PSAP: variants seen among roughly 807,000 people sequenced by gnomAD.
PSAP encodes the protein precursor of saposins.
Under a neutral mutation model 66.0 loss-of-function variants are expected in PSAP, and 25 were observed. That is an observed-to-expected ratio of 0.38 (90% CI 0.28 to 0.53). The LOEUF is 0.53. Ranked by LOEUF, PSAP falls within the 20% of genes least tolerant of loss-of-function variation. The probability of loss-of-function intolerance (pLI) is 0.83; values close to 1 mark genes in which losing one functional copy is unlikely to be tolerated. For missense variants in PSAP, 649 were observed against 668.8 expected, an observed-to-expected ratio of 0.97 and a Z score of 0.33; for synonymous variants, 273 against 258.9, an observed-to-expected ratio of 1.05 and a Z score of -0.52.
At position 71,819,338 on chromosome 10, in the gene PSAP, TA is replaced by T. The variant is rs1842243556; in HGVS notation, c.1350+126del. 4 of 1,415,444 alleles carry T rather than the reference TA, an allele frequency of 2.8e-6. No homozygotes were observed. In the South Asian group the frequency reaches 4.7e-5, roughly 17 times the overall value. 87.7% of individuals were successfully genotyped at this position (1,415,444 alleles called of 1,614,324 possible). ...CTTAAGCCAACAAATCACCTCCAAG[TA>T]AAACTTCATTGGACTCCATGCCCGG... On this transcript the variant is annotated intron_variant, in intron 11 of 13. Coordinates refer to ENST00000394936, the MANE Select transcript of PSAP (RefSeq NM_002778.4).
intron 2 of PSAP, among the ~76,000 whole-genome samples, chr10:71,833,005 A>G (rs1842548113): frequency 7.4e-6 from 1 of 134,290 alleles, no homozygotes; most frequent in Non-Finnish European, 1.6e-5. Context: ...CAACAGAGTG[A>G]GAGTCCATCT....
rs2593163 is a variant in PSAP, at chr10:71,825,769, A to G, written c.777+68T>C. The G allele has an allele frequency of 0.13, 194,249 of 1,462,742 alleles. 17,072 individuals are homozygous for G. The highest frequency in any genetic ancestry group is 0.39 in the East Asian group (17,291 of 43,964). 90.6% of individuals were successfully genotyped at this position (1,462,742 alleles called of 1,614,324 possible). On this transcript the variant is annotated intron_variant, in intron 7 of 13. Coordinates refer to ENST00000394936, the MANE Select transcript of PSAP (RefSeq NM_002778.4). The stretch of plus-strand genomic sequence containing the variant: ...GGAAACTAAACCATATAATTTTCAA[A>G]ATTCCTAGAAATGACGAAACCTGAA...
chr10:71,821,165 C>T (rs1334266759), intron 8 of PSAP, among the ~76,000 whole-genome samples: 1 of 152,222 alleles, frequency 6.6e-6, no homozygotes, highest in Admixed American at 6.5e-5. Flanking sequence ...ACACTCTGCA[C>T]ATGCAGAGAG....
At chr10:71,840,673 C>T (rs1486387550) in intron 1 of PSAP, among the ~76,000 whole-genome samples, 2 of 152,210 alleles carry the variant, frequency 1.3e-5, no homozygotes, top group African/African-American at 4.8e-5. Context: ...AGGCTGACAT[C>T]CCATCACCTC....
chr10:71,824,771 T>C (rs564851100), intron 7 of PSAP, among the ~76,000 whole-genome samples: 1 of 152,256 alleles, frequency 6.6e-6, no homozygotes, highest in South Asian at 2.1e-4. Flanking sequence ...GTATTGTCCA[T>C]ATTTTCAACA....
intron 1 of PSAP, among the ~76,000 whole-genome samples, chr10:71,841,706 A>T (rs530973166): frequency 3.2e-3 from 485 of 152,320 alleles, no homozygotes; most frequent in Admixed American, 5.7e-3. Flanking sequence ...CCCCATTTCT[A>T]CTAAAAATAC....
Position 71,817,348 on chromosome 10 carries a change from A to G in PSAP, c.*93T>C, listed in dbSNP as rs183945494. On this transcript the variant is annotated 3_prime_UTR_variant, in exon 14 of 14. Coordinates refer to ENST00000394936, the MANE Select transcript of PSAP (RefSeq NM_002778.4). ...GGTGGGGGAGCCCTATTTTTATAAC[A>G]AAGTCAAACAGATCTGTGCGTTCAT... The G allele has an allele frequency of 2.2e-6, 3 of 1,377,588 alleles. No homozygotes were observed. Among genetic ancestry groups the G allele is most frequent in the African/African-American group, 1.4e-5 (1 of 70,200 alleles). The allele number at this position is 1,377,588 out of a possible 1,614,324, so 85.3% of individuals were successfully genotyped here.
intron 2 of PSAP, among the ~76,000 whole-genome samples, chr10:71,833,662 C>G (rs1842564724): frequency 6.6e-6 from 1 of 152,254 alleles, no homozygotes; most frequent in African/African-American, 2.4e-5. Flanking sequence ...GAGCCCAGGG[C>G]AGCAGCTCTG....
At chr10:71,829,173 T>G in intron 4 of PSAP, 96 bp from the exon 5 acceptor site, 1 of 1,172,796 alleles carries the variant, frequency 8.5e-7, no homozygotes, top group Admixed American at 1.8e-5. Flanking sequence ...TCTCTTTAAA[T>G]CCCTTAAAAG....
chr10:71,849,459 G>C (rs892817833), intron 1 of PSAP, among the ~76,000 whole-genome samples: 3 of 152,154 alleles, frequency 2.0e-5, no homozygotes, highest in African/African-American at 4.8e-5. Context: ...GTGGGGGCTG[G>C]GTGCGGTGTC....
intron 2 of PSAP, among the ~76,000 whole-genome samples, chr10:71,832,210 C>T (rs1475721785): frequency 6.6e-6 from 1 of 152,184 alleles, no homozygotes; most frequent in African/African-American, 2.4e-5. Flanking sequence ...ATGCTCACAA[C>T]ACCTCTGAGG....
At chr10:71,839,065 A>G (rs1842679513) in intron 1 of PSAP, among the ~76,000 whole-genome samples, 1 of 152,124 alleles carries the variant, frequency 6.6e-6, no homozygotes, top group South Asian at 2.1e-4. Flanking sequence ...CTACCCCCAA[A>G]TACCAGCTTC....
intron 2 of PSAP, 31 bp downstream of exon 2, chr10:71,834,341 G>A: frequency 6.2e-7 from 1 of 1,612,550 alleles, no homozygotes; most frequent in Non-Finnish European, 8.5e-7. Flanking sequence ...GAGGAGTGCT[G>A]CGGCTGGGAC....
chr10:71,844,932 T>G, intron 1 of PSAP: 1 of 152,200 alleles, frequency 6.6e-6, no homozygotes, highest in East Asian at 1.9e-4. Context: ...TTTGAAAATG[T>G]ATTCCCACAG....
In PSAP at chr10:71,817,413, T is replaced by C. The variant is rs778663621; in HGVS notation, c.*28A>G. 1.9e-6 allele frequency: 3 copies of C among 1,612,902 alleles called. No individual in the cohort carries two copies. Among genetic ancestry groups the C allele is most frequent in the Non-Finnish European group, 2.5e-6 (3 of 1,178,842 alleles). ...AAGTAGAAAAAAACCAATGCTGTGGTTTCTGCCAAGATGGAATATTCCTCC... is the reference window on the plus strand; with the variant it reads ...AAGTAGAAAAAAACCAATGCTGTGGCTTCTGCCAAGATGGAATATTCCTCC... On this transcript the variant is annotated 3_prime_UTR_variant, in exon 14 of 14. Transcript: ENST00000394936.
rs184803179 is a variant in PSAP, at chr10:71,824,498, T to C, written c.777+1339A>G. On this transcript the variant is annotated intron_variant, in intron 7 of 13. Transcript: ENST00000394936. ...AAGGGGAAAGGCAGGGATATGCATA[T>C]ATGTATGCATTTGGCTATAAGGATA... Among the ~76,000 whole-genome samples, 51 of 152,370 alleles carry C rather than the reference T, an allele frequency of 3.3e-4. No homozygotes were observed. The South Asian group carries it at 8.3e-3, about 25-fold the overall frequency.
At chr10:71,847,627 G>C (rs1842846055) in intron 1 of PSAP, among the ~76,000 whole-genome samples, 2 of 148,194 alleles carry the variant, frequency 1.3e-5, no homozygotes, top group Admixed American at 6.7e-5. Context: ...CCTTTCTTCT[G>C]CCTATTAAAC....
intron 13 of PSAP, among the ~76,000 whole-genome samples, chr10:71,818,000 G>T (rs1468853697): frequency 6.6e-6 from 1 of 152,210 alleles, no homozygotes; most frequent in African/African-American, 2.4e-5. Context: ...GCAGTGGTCC[G>T]AAATGACACA....
intron 6 of PSAP, among the ~76,000 whole-genome samples, chr10:71,826,592 C>G (rs1415582489): frequency 6.6e-6 from 1 of 152,078 alleles, no homozygotes; most frequent in South Asian, 2.1e-4. Flanking sequence ...AGAGAGAAAC[C>G]CTCAGCTGGG....
Sources: gnomAD v4.1 joint callset for allele counts (sites outside exome capture counted in the v4.1 genomes callset) on GRCh38, gnomAD v4.1.1 for gene constraint, MANE v1.5 for transcripts, NCBI Gene and HGNC (gene_info 2026-07-23, HGNC 2026-07-21) for gene names.